The following AK5 variants were observed in gnomAD, a reference collection of about 807,000 sequenced individuals.
The protein encoded by AK5 is adenylate kinase isoenzyme 5.
AK5 carries 27 observed loss-of-function variants against 69.5 expected under a neutral mutation model. That is an observed-to-expected ratio of 0.39 (90% CI 0.29 to 0.54). The LOEUF (loss-of-function observed/expected upper bound fraction) is 0.54, where lower values mean the gene tolerates loss of function less well. Among genes scored for constraint, AK5 ranks in the 20% least tolerant of loss-of-function variants. The pLI, the probability that AK5 is intolerant of heterozygous loss-of-function variation, is 0.71. For synonymous variants in AK5, 260 were observed against 244.4 expected (o/e 1.06, Z -0.60); for missense variants, 531 against 700.4 (o/e 0.76, Z 2.73).
intron 5 of AK5, among the ~76,000 whole-genome samples, chr1:77,327,809 A>C (rs1660881276): frequency 6.6e-6 from 1 of 152,178 alleles, no homozygotes; most frequent in African/African-American, 2.4e-5. Context: ...TTTGCCCTCT[A>C]TTCATAAAGG....
chr1:77,506,444 C>G (rs993898372), intron 10 of AK5, among the ~76,000 whole-genome samples: 1 of 151,924 alleles, frequency 6.6e-6, no homozygotes, highest in Admixed American at 6.6e-5. Flanking sequence ...AGGTCACCAG[C>G]TTCATGGGGT....
intron 10 of AK5, among the ~76,000 whole-genome samples, chr1:77,517,518 A>G (rs1006756800): frequency 7.2e-5 from 11 of 152,200 alleles, no homozygotes; most frequent in Non-Finnish European, 1.5e-4. Context: ...ATAACAGTGC[A>G]TGCCTCTTAA....
intron 6 of AK5, among the ~76,000 whole-genome samples, chr1:77,405,414 T>G (rs1649551920): frequency 6.6e-6 from 1 of 152,248 alleles, no homozygotes; most frequent in Non-Finnish European, 1.5e-5. Context: ...CGGTTGCTTC[T>G]TGAATGGAGA....
At chr1:77,507,528 A>C (rs978062233) in intron 10 of AK5, among the ~76,000 whole-genome samples, 2 of 152,230 alleles carry the variant, frequency 1.3e-5, no homozygotes, top group Non-Finnish European at 2.9e-5. Context: ...TTGGTCTCTC[A>C]ACTATACCAC....
At chr1:77,469,997 G>C (rs1430060753) in intron 8 of AK5, among the ~76,000 whole-genome samples, 1 of 152,214 alleles carries the variant, frequency 6.6e-6, no homozygotes, top group Middle Eastern at 3.2e-3. Flanking sequence ...TGGTACAATG[G>C]TGCAGGAAAG....
intron 12 of AK5, among the ~76,000 whole-genome samples, chr1:77,528,936 T>C (rs749138833): frequency 2.6e-5 from 4 of 152,214 alleles, no homozygotes; most frequent in Non-Finnish European, 4.4e-5. Context: ...AATACATACC[T>C]CAGTGATTGT....
chr1:77,293,664 G>T, intron 2 of AK5, 129 bp from the exon 3 acceptor site: 1 of 771,614 alleles, frequency 1.3e-6, no homozygotes, highest in East Asian at 2.9e-5. Context: ...ACCACTTAGG[G>T]AGACTTCTTC....
chr1:77,421,421 G>A (rs1650805021), intron 8 of AK5, among the ~76,000 whole-genome samples: 1 of 152,136 alleles, frequency 6.6e-6, no homozygotes, highest in Non-Finnish European at 1.5e-5. Context: ...AGATAGGCTA[G>A]GTTATGCTGG....
In AK5 at chr1:77,380,583, A is replaced by G. The variant is rs369316563; in HGVS notation, c.892-30398A>G. On this transcript the variant is annotated intron_variant, in intron 6 of 13. Coordinates refer to ENST00000354567, the MANE Select transcript of AK5 (RefSeq NM_174858.3). ...TTACTGATTTAATCAACAATCATTT[A>G]TTAAGCATCTTCTCTGTACCAGGCA... Among the ~76,000 whole-genome samples, 13 of 152,348 alleles carry G rather than the reference A, an allele frequency of 8.5e-5. No homozygotes were observed. The South Asian group carries it at 2.1e-3, about 24-fold the overall frequency.
Position 77,405,370 on chromosome 1 carries a change from A to G in AK5, c.892-5611A>G, listed in dbSNP as rs148483086. Among the ~76,000 whole-genome samples the G allele has an allele frequency of 2.2e-3, 332 of 152,338 alleles. 2 individuals are homozygous for G. Among genetic ancestry groups the G allele is most frequent in the African/African-American group, 7.8e-3 (324 of 41,590 alleles). On this transcript the variant is annotated intron_variant, in intron 6 of 13. Transcript: ENST00000354567. ...TCTGAACCGGGTTTACAAGCCTCCC[A>G]TGGCTCACTTGGCCTCATGTGCCCC...
At chr1:77,347,902 T>C (rs74090473) in intron 6 of AK5, among the ~76,000 whole-genome samples, 195 of 152,240 alleles carry the variant, frequency 1.3e-3, no homozygotes, top group African/African-American at 4.1e-3. Flanking sequence ...TCACACCCCG[T>C]AGACAGAAAG....
intron 7 of AK5, among the ~76,000 whole-genome samples, chr1:77,412,393 G>C (rs971668692): frequency 5.9e-5 from 9 of 152,238 alleles, no homozygotes; most frequent in Non-Finnish European, 8.8e-5. Flanking sequence ...GTACCTCAGA[G>C]CTCATAAACA....
At chr1:77,296,174 T>G (rs929271030) in intron 3 of AK5, among the ~76,000 whole-genome samples, 2 of 152,154 alleles carry the variant, frequency 1.3e-5, no homozygotes, top group Non-Finnish European at 2.9e-5. Context: ...CCTAAAAATG[T>G]GAGAGTGAGG....
At chr1:77,353,477 CA>C (rs1277626101) in intron 6 of AK5, among the ~76,000 whole-genome samples, 2 of 151,624 alleles carry the variant, frequency 1.3e-5, no homozygotes, top group Admixed American at 1.3e-4. Context: ...GACTCCATCT[CA>C]AAAAAAGAAA....
chr1:77,339,618 C>G (rs1007788106), intron 5 of AK5, among the ~76,000 whole-genome samples: 1 of 151,046 alleles, frequency 6.6e-6, no homozygotes. Flanking sequence ...ATTTACCTTG[C>G]AGATTGTTGT....
intron 7 of AK5, among the ~76,000 whole-genome samples, chr1:77,415,469 A>C (rs1650363315): frequency 6.6e-6 from 1 of 152,224 alleles, no homozygotes; most frequent in Non-Finnish European, 1.5e-5. Flanking sequence ...AGCTATCACC[A>C]CTTCCACCAG....
intron 5 of AK5, chr1:77,313,824 T>C: frequency 1.9e-6 from 1 of 533,092 alleles, no homozygotes; most frequent in Non-Finnish European, 3.8e-6. Flanking sequence ...CAAAGATGCC[T>C]GTGCAGTCAG....
chr1:77,470,844 TATATATATATATATATA>T (rs1654421605), intron 8 of AK5, among the ~76,000 whole-genome samples: 42 of 3,900 alleles, frequency 0.011, 1 homozygote, highest in South Asian at 0.019. Context: ...TATATATATA[TATATATATATATATATA>T]TATATATATA....
intron 8 of AK5, among the ~76,000 whole-genome samples, chr1:77,445,837 G>A (rs776981711): frequency 4.6e-5 from 7 of 152,080 alleles, no homozygotes; most frequent in Admixed American, 1.3e-4. Flanking sequence ...CACCTTCCTC[G>A]GCCTCCCTAA....
Sources: gnomAD v4.1 joint callset for allele counts (sites outside exome capture counted in the v4.1 genomes callset) on GRCh38, gnomAD v4.1.1 for gene constraint, MANE v1.5 for transcripts, NCBI Gene and HGNC (gene_info 2026-07-23, HGNC 2026-07-21) for gene names.